Variants in RBP5 observed in about 807,000 individuals in gnomAD.
RBP5 encodes the protein retinol-binding protein 5.
Under a neutral mutation model 17.8 loss-of-function variants are expected in RBP5, and 12 were observed. The observed-to-expected ratio is 0.67, with a 90% CI of 0.43 to 1.09. RBP5 has a LOEUF of 1.09. Ranked by LOEUF, RBP5 falls within the 50% of genes least tolerant of loss-of-function variation. The probability of loss-of-function intolerance (pLI) is 0.00; values close to 1 mark genes in which losing one functional copy is unlikely to be tolerated. For missense variants in RBP5, 172 were observed against 169.4 expected (o/e 1.02, Z -0.09); for synonymous variants, 64 against 68.1 (o/e 0.94, Z 0.30).
At chr12:7,126,513 GTGTGTGTGTGTGT>G (rs1464654914) in intron 2 of RBP5, among the ~76,000 whole-genome samples, 3,331 of 121,524 alleles carry the variant, frequency 0.027, 152 homozygotes, top group African/African-American at 0.095. Context: ...TGGTGGTGGT[GTGTGTGTGTGTGT>G]GTGTGTGTGT....
At chr12:7,120,720 T>C (rs762229534), downstream of RBP5, 3 of 154,842 alleles carry the variant, frequency 1.9e-5, no homozygotes, top group East Asian at 5.8e-4. Flanking sequence ...AGAGAGCTGG[T>C]TGGGGGTTAT....
chr12:7,127,915 G>A (rs1939201871), intron 2 of RBP5, among the ~76,000 whole-genome samples: 1 of 152,254 alleles, frequency 6.6e-6, no homozygotes, highest in Non-Finnish European at 1.5e-5. Context: ...AGTTATTGAT[G>A]CTAAAGTAAA....
chr12:7,128,970 C>A, upstream of RBP5: 5 of 577,958 alleles, frequency 8.7e-6, no homozygotes, highest in Non-Finnish European at 9.7e-6. The surrounding 1 kb of genome is among the most constrained non-coding windows in gnomAD (Gnocchi z 5.3). Flanking sequence ...CTTCCCTCCC[C>A]GCATGGTGAG....
downstream of RBP5, among the ~76,000 whole-genome samples, chr12:7,119,803 T>G (rs1340623825): frequency 6.6e-6 from 1 of 152,242 alleles, no homozygotes; most frequent in Admixed American, 6.5e-5. Context: ...AAGGAAATAC[T>G]CTTGGTGTTG....
chr12:7,124,310 T>A lies in RBP5; in HGVS notation c.355-136A>T. On this transcript the variant is annotated intron_variant, in intron 3 of 3. Transcript: ENST00000266560. This position sits in a 1 kb window ranked among gnomAD's most constrained non-coding sequence, Gnocchi z 5.3. The stretch of plus-strand genomic sequence containing the variant: ...AGTGTTTGATGTATGGGCAATTGTA[T>A]CATTATTCCACATCCTCAACTTTCC... 1 of 766,776 alleles carries A rather than the reference T, an allele frequency of 1.3e-6. No homozygotes were observed. Among genetic ancestry groups the A allele is most frequent in the Non-Finnish European group, 2.2e-6 (1 of 447,418 alleles). 47.5% of individuals were successfully genotyped at this position (766,776 alleles called of 1,614,324 possible). A position where few individuals can be genotyped will look rare whatever the true frequency, so the allele number is the denominator to read the frequency against.
rs1027642835 is a variant in RBP5, at chr12:7,124,047, T to A, written c.*74A>T. The A allele has an allele frequency of 7.0e-7, 1 of 1,436,038 alleles. No homozygotes were observed. Among genetic ancestry groups the A allele is most frequent in the Non-Finnish European group, 9.8e-7 (1 of 1,018,096 alleles). 89.0% of individuals were successfully genotyped at this position (1,436,038 alleles called of 1,614,324 possible). The stretch of plus-strand genomic sequence containing the variant: ...GGAAGGGACAGCTGACCTGGCACAA[T>A]CTGGGCTTGAAGGGGGCACAACAAG... On this transcript the variant is annotated 3_prime_UTR_variant, in exon 4 of 4. Transcript: ENST00000266560. The surrounding 1 kb of genome is among the most constrained non-coding windows in gnomAD (Gnocchi z 5.3).
chr12:7,126,737 C>T (rs2135784333), intron 2 of RBP5, among the ~76,000 whole-genome samples: 1 of 152,182 alleles, frequency 6.6e-6, no homozygotes, highest in Non-Finnish European at 1.5e-5. Flanking sequence ...CCAGGACCCC[C>T]ACCTCACTAA....
At chr12:7,126,002 CG>C (rs1939153268) in intron 2 of RBP5, among the ~76,000 whole-genome samples, 1 of 149,396 alleles carries the variant, frequency 6.7e-6, no homozygotes, top group South Asian at 2.1e-4. Flanking sequence ...GAGGCTGAGG[CG>C]GGAGAATCAC....
At chr12:7,123,249 C>T (rs1022548585), downstream of RBP5, among the ~76,000 whole-genome samples, 22 of 152,218 alleles carry the variant, frequency 1.4e-4, no homozygotes, top group Admixed American at 1.4e-3. Flanking sequence ...CCTCAGCTCT[C>T]CTCTTTATCT....
chr12:7,119,418 G>A (rs368436648), downstream of RBP5: 10 of 152,828 alleles, frequency 6.5e-5, no homozygotes, highest in East Asian at 1.4e-3. Flanking sequence ...CCTTCTCTGG[G>A]GATGGGGGGT....
downstream of RBP5, among the ~76,000 whole-genome samples, chr12:7,119,826 G>A (rs971446958): frequency 6.6e-6 from 1 of 152,214 alleles, no homozygotes; most frequent in Non-Finnish European, 1.5e-5. Flanking sequence ...TTGTGGGCTG[G>A]CCAATGTGGC....
intron 2 of RBP5, among the ~76,000 whole-genome samples, chr12:7,126,489 T>TGTGGTGGTG (rs71450185): frequency 2.0e-4 from 23 of 116,072 alleles, no homozygotes; most frequent in Non-Finnish European, 3.1e-4. Flanking sequence ...GCCGATTAGA[T>TGTGGTGGTG]GTGGTGGTGG....
chr12:7,121,043 G>GAAAAAGA (rs1939074638), downstream of RBP5: 2 of 148,066 alleles, frequency 1.4e-5, no homozygotes, highest in African/African-American at 2.5e-5. Context: ...AAAAAAAAAA[G>GAAAAAGA]AAAAAGAAAA....
intron 2 of RBP5, chr12:7,127,669 G>T (rs1343459654): frequency 4.3e-6 from 3 of 702,384 alleles, no homozygotes; most frequent in Middle Eastern, 4.6e-4. Context: ...TTGCCCTGGA[G>T]CTCAGGAGAT....
Position 7,124,698 on chromosome 12 carries a change from C to A in RBP5, c.285G>T (p.Val95=), listed in dbSNP as rs1483833182. Residue 95 remains valine, a synonymous_variant, in exon 3 of 4, where the codon GTG becomes GTT. Transcript: ENST00000266560. The surrounding 1 kb of genome is among the most constrained non-coding windows in gnomAD (Gnocchi z 5.3). The stretch of plus-strand genomic sequence containing the variant: ...TGGGGACCTCCCCTTTCTGCACACA[C>A]ACCAGGTGCTCCTCCTCCCAGGTTA... ...TIVTWEEEHL[V]CVQKGEVPNR... The A allele has an allele frequency of 6.2e-7, 1 of 1,612,276 alleles. No homozygotes were observed. Among genetic ancestry groups the A allele is most frequent in the Non-Finnish European group, 8.5e-7 (1 of 1,178,364 alleles).
downstream of RBP5, chr12:7,122,567 C>T (rs1223683965): frequency 6.6e-6 from 1 of 152,146 alleles, no homozygotes. Flanking sequence ...AGGCCTCTGC[C>T]GAGACTCCAC....
Position 7,124,194 on chromosome 12 carries a change from G to A in RBP5, c.355-20C>T, listed in dbSNP as rs376018234. ...CAGTTCCTGGGGAGAGAGGGGAAGT[G>A]AGGGGGAGAGAGAAAGAGGGCGTTT... On this transcript the variant is annotated intron_variant, in intron 3 of 3. Transcript: ENST00000266560. This position sits in a 1 kb window ranked among gnomAD's most constrained non-coding sequence, Gnocchi z 5.3. 1 of 1,613,558 alleles carries A rather than the reference G, an allele frequency of 6.2e-7. No homozygotes were observed. Among genetic ancestry groups the A allele is most frequent in the Non-Finnish European group, 8.5e-7 (1 of 1,179,590 alleles).
At chr12:7,116,772 C>G (rs1201145078) in exon 4 of RBP5, 1 of 152,300 alleles carries the variant, frequency 6.6e-6, no homozygotes, top group African/African-American at 2.4e-5. Context: ...TTTTACTGCC[C>G]GAAGTCATCT....
Position 7,124,052 on chromosome 12 carries a change from G to T in RBP5, c.*69C>A, listed in dbSNP as rs56363531. ...GGACAGCTGACCTGGCACAATCTGG[G>T]CTTGAAGGGGGCACAACAAGAGCGT... On this transcript the variant is annotated 3_prime_UTR_variant, in exon 4 of 4. Transcript: ENST00000266560. The surrounding 1 kb of genome is among the most constrained non-coding windows in gnomAD (Gnocchi z 5.3). The T allele has an allele frequency of 5.9e-3, 8,793 of 1,479,188 alleles. 439 individuals carry two copies. In the African/African-American group the frequency reaches 0.11, roughly 18 times the overall value. The allele number at this position is 1,479,188 out of a possible 1,614,324, so 91.6% of individuals were successfully genotyped here.
Sources: allele counts gnomAD v4.1 joint callset (sites outside exome capture counted in the v4.1 genomes callset), GRCh38; gene constraint gnomAD v4.1.1; non-coding constraint Gnocchi (gnomAD v3.1); transcripts MANE v1.5; gene names NCBI Gene and HGNC (gene_info 2026-07-23, HGNC 2026-07-21).